Variants in DMRT2 observed in about 807,000 individuals in gnomAD.
DMRT2 encodes doublesex and mab-3 related transcription factor 2.
DMRT2 carries 33 observed loss-of-function variants against 43.5 expected under a neutral mutation model. The ratio of observed to expected loss-of-function variants is 0.76; its 90% CI spans 0.58 to 1.01. The LOEUF (loss-of-function observed/expected upper bound fraction) is 1.01, where lower values mean the gene tolerates loss of function less well. Among genes scored for constraint, DMRT2 ranks in the 50% least tolerant of loss-of-function variants. The pLI, the probability that DMRT2 is intolerant of heterozygous loss-of-function variation, is 0.00. For synonymous variants in DMRT2, 395 were observed against 309.2 expected (o/e 1.28, Z -2.91); for missense variants, 1,064 against 748.0 (o/e 1.42, Z -4.93).
rs1822064722 is a variant in DMRT2, at chr9:1,057,173, A to G, written c.1586A>G (p.Lys529Arg). 1.2e-6 allele frequency: 2 copies of G among 1,614,020 alleles called. No homozygotes were observed. The highest frequency in any genetic ancestry group is 2.7e-5 in the African/African-American group (2 of 74,912). The change falls in exon 4 of 4, where the codon AAA becomes AGA. Residue 529 changes from lysine to arginine, a missense_variant. By Grantham distance (26) the Lys-to-Arg change is conservative. Coordinates refer to ENST00000358146, the MANE Select transcript of DMRT2 (RefSeq NM_181872.6). The part of the protein sequence containing the change: ...DRCAKDLFVA[K>R]QVGTKLSVNE... ...TGTGCAAAAGACCTTTTTGTAGCCA[A>G]ACAAGTTGGAACAAAACTCTCGGTG...
At chr9:1,052,917 T>C (rs1183121902) in intron 2 of DMRT2, 1 of 152,374 alleles carries the variant, frequency 6.6e-6, no homozygotes, top group Non-Finnish European at 1.5e-5. Context: ...ATTTTACTTT[T>C]TGGCGGAGAG....
At position 1,055,919 on chromosome 9, in the gene DMRT2, T is replaced by C. The variant is rs1422761964; in HGVS notation, c.629-297T>C. On this transcript the variant is annotated intron_variant, in intron 3 of 3. Transcript: ENST00000358146. ...AGGGGGCCTGGGAAGAATATTAAAA[T>C]TTTAATCAATAAAGTATGTCTGTTG... 5.7e-6 allele frequency: 8 copies of C among 1,414,278 alleles called. No individual in the cohort carries two copies. The East Asian group carries it at 1.9e-4, about 33-fold the overall frequency. The allele number at this position is 1,414,278 out of a possible 1,614,324, so 87.6% of individuals were successfully genotyped here.
chr9:1,055,988 A>G, intron 3 of DMRT2: 1 of 1,408,360 alleles, frequency 7.1e-7, no homozygotes, highest in Admixed American at 3.3e-5. Flanking sequence ...AACAAGCAAC[A>G]AGAACAAGAA....
chr9:1,054,595 C>T (rs1299765637), intron 3 of DMRT2: 1 of 152,070 alleles, frequency 6.6e-6, no homozygotes, highest in East Asian at 1.9e-4. Context: ...TCGTGAAAGC[C>T]TGGGGGTACA....
intron 2 of DMRT2, among the ~76,000 whole-genome samples, chr9:1,053,273 A>G (rs892220416): frequency 3.3e-5 from 5 of 152,096 alleles, no homozygotes; most frequent in Non-Finnish European, 5.9e-5. Context: ...CTGCCCTGCC[A>G]CAGGGAGAAA....
Position 1,056,689 on chromosome 9 carries a change from C to G in DMRT2, c.1102C>G (p.Gln368Glu), listed in dbSNP as rs1822014624. The G allele has an allele frequency of 1.1e-5, 17 of 1,614,082 alleles. No homozygotes were observed. Among genetic ancestry groups the G allele is most frequent in the Non-Finnish European group, 1.4e-5 (16 of 1,180,050 alleles). ...CCTGCTAAATGCCACCACCTCAGTTCAAGCCCTGAAGCCTGGGGCCAGCTG... is the reference window on the plus strand; with the variant it reads ...CCTGCTAAATGCCACCACCTCAGTTGAAGCCCTGAAGCCTGGGGCCAGCTG... Reference protein sequence around the residue: ...QCLLNATTSVQALKPGASWDL... With the variant: ...QCLLNATTSVEALKPGASWDL... Residue 368 changes from glutamine to glutamate, a missense_variant, in exon 4 of 4, where the codon CAA (glutamine) becomes GAA (glutamate). Physicochemically the swap from Gln to Glu is conservative, Grantham distance 29. Coordinates refer to ENST00000358146, the MANE Select transcript of DMRT2 (RefSeq NM_181872.6).
Position 1,051,202 on chromosome 9 carries a change from G to A in DMRT2, c.-44-368G>A, listed in dbSNP as rs987844078. ...TATGCATCATGGCCATACTAGTTGA[G>A]TATGGGGAAATCCGACAAGTGGCCT... is the stretch of plus-strand genomic sequence containing the variant. On this transcript the variant is annotated intron_variant, in intron 1 of 3. Transcript: ENST00000358146. The surrounding 1 kb of genome is among the most constrained non-coding windows in gnomAD (Gnocchi z 5.9). Among the ~76,000 whole-genome samples the A allele has an allele frequency of 1.3e-5, 2 of 152,158 alleles. No homozygotes were observed. The highest frequency in any genetic ancestry group is 2.4e-5 in the African/African-American group (1 of 41,438).
intron 3 of DMRT2, chr9:1,055,635 T>C (rs1402713078): frequency 2.3e-6 from 3 of 1,291,220 alleles, no homozygotes; most frequent in African/African-American, 3.1e-5. Context: ...TTTTCAATTT[T>C]CTATGCTTCT....
In DMRT2 at chr9:1,056,704, G is replaced by C. The variant is rs746515910; in HGVS notation, c.1117G>C (p.Gly373Arg). ...ATTSVQALKPGASWDLKGARV... is the reference protein window; with the variant it reads ...ATTSVQALKPRASWDLKGARV... ...CACCTCAGTTCAAGCCCTGAAGCCT[G>C]GGGCCAGCTGGGACTTGAAGGGAGC... The change falls in exon 4 of 4, where the codon GGG becomes CGG. Residue 373 changes from glycine to arginine, a missense_variant. By Grantham distance (125) the Gly-to-Arg change is moderately radical. Transcript: ENST00000358146. 2 of 1,614,152 alleles carry C rather than the reference G, an allele frequency of 1.2e-6. No individual in the cohort carries two copies. The highest frequency in any genetic ancestry group is 2.2e-5 in the South Asian group (2 of 91,072).
intron 3 of DMRT2, among the ~76,000 whole-genome samples, chr9:1,055,269 C>T (rs1330025946): frequency 6.6e-6 from 1 of 152,092 alleles, no homozygotes; most frequent in Non-Finnish European, 1.5e-5. Context: ...ACAATGGATG[C>T]TTCAAACAAA....
In DMRT2 at chr9:1,057,532, A is replaced by G; in HGVS notation, c.*259A>G. Reference sequence around the variant, plus strand: ...CATTTCAAAAAGCAATAAAATTGACACTGTCTTCTCAAAGACCCAATATTT... The same window carrying G: ...CATTTCAAAAAGCAATAAAATTGACGCTGTCTTCTCAAAGACCCAATATTT... On this transcript the variant is annotated 3_prime_UTR_variant, in exon 4 of 4. Transcript: ENST00000358146. The G allele has an allele frequency of 2.5e-6, 1 of 396,242 alleles. No individual in the cohort carries two copies. The highest frequency in any genetic ancestry group is 4.5e-6 in the Non-Finnish European group (1 of 223,420). The allele number at this position is 396,242 out of a possible 1,614,324, so 24.5% of individuals were successfully genotyped here.
At chr9:1,055,971 C>A in intron 3 of DMRT2, 1 of 1,401,070 alleles carries the variant, frequency 7.1e-7, no homozygotes, top group Non-Finnish European at 9.2e-7. Context: ...AAATCCATAA[C>A]AACCACAACA....
chr9:1,052,202 G>A (rs1821642440), intron 2 of DMRT2, 64 bp downstream of exon 2: 4 of 1,271,530 alleles, frequency 3.1e-6, no homozygotes, highest in Non-Finnish European at 3.0e-6. Context: ...GGAGGGGAGC[G>A]GGGCGGCCGT....
Position 1,051,534 on chromosome 9 carries a change from GC to G in DMRT2, c.-44-34del. 1 of 1,427,162 alleles carries G rather than the reference GC, an allele frequency of 7.0e-7. No homozygotes were observed. The highest frequency in any genetic ancestry group is 9.1e-7 in the Non-Finnish European group (1 of 1,100,408). The allele number at this position is 1,427,162 out of a possible 1,614,324, so 88.4% of individuals were successfully genotyped here. A position where few individuals can be genotyped will look rare whatever the true frequency, so the allele number is the denominator to read the frequency against. On this transcript the variant is annotated intron_variant, in intron 1 of 3. Transcript: ENST00000358146. This position sits in a 1 kb window ranked among gnomAD's most constrained non-coding sequence, Gnocchi z 5.9. ...GGCTCAGGGATGGTCCCTGACGGCG[GC>G]CGGTGGGTCTTTGGATTTCTTTGTG... is the stretch of plus-strand genomic sequence containing the variant.
chr9:1,056,171 C>T, intron 3 of DMRT2, 45 bp from the exon 4 acceptor site: 1 of 1,548,658 alleles, frequency 6.5e-7, no homozygotes, highest in Non-Finnish European at 8.7e-7. Context: ...CATTTTTATT[C>T]CGTAGATGTT....
chr9:1,057,195 G>C lies in DMRT2; in HGVS notation c.1608G>C (p.Ser536=). The C allele has an allele frequency of 6.2e-7, 1 of 1,613,978 alleles. No homozygotes were observed. The highest frequency in any genetic ancestry group is 8.5e-7 in the Non-Finnish European group (1 of 1,179,986). The change falls in exon 4 of 4, where the codon TCG becomes TCC. Residue 536 remains serine, a synonymous_variant. Transcript: ENST00000358146. ...FVAKQVGTKL[S]VNEPLSFSVE... ...CCAAACAAGTTGGAACAAAACTCTC[G>C]GTGAATGAACCACTGTCATTTTCTG...
At chr9:1,052,226 G>A (rs1018788028) in intron 2 of DMRT2, 88 bp downstream of exon 2, 1 of 1,123,482 alleles carries the variant, frequency 8.9e-7, no homozygotes, top group Non-Finnish European at 1.2e-6. Context: ...CACCCCCCGC[G>A]CCCAGGGCCT....
At position 1,051,529 on chromosome 9, in the gene DMRT2, C is replaced by T. The variant is rs970896106; in HGVS notation, c.-44-41C>T. 1 of 1,424,662 alleles carries T rather than the reference C, an allele frequency of 7.0e-7. No homozygotes were observed. Among genetic ancestry groups the T allele is most frequent in the Non-Finnish European group, 9.1e-7 (1 of 1,099,202 alleles). The allele number at this position is 1,424,662 out of a possible 1,614,324, so 88.3% of individuals were successfully genotyped here. A position where few individuals can be genotyped will look rare whatever the true frequency, so the allele number is the denominator to read the frequency against. On this transcript the variant is annotated intron_variant, in intron 1 of 3. Transcript: ENST00000358146. The surrounding 1 kb of genome is among the most constrained non-coding windows in gnomAD (Gnocchi z 5.9). ...CCGGAGGCTCAGGGATGGTCCCTGA[C>T]GGCGGCCGGTGGGTCTTTGGATTTC...
At position 1,050,678 on chromosome 9, in the gene DMRT2, C is replaced by A. The variant is rs1821504807; in HGVS notation, c.-142C>A. Reference sequence around the variant, plus strand: ...CGATCTCGTGTTTGAGGGTAGCGACCCCGATTTCTGTTTGCATGCACAGCC... The same window carrying A: ...CGATCTCGTGTTTGAGGGTAGCGACACCGATTTCTGTTTGCATGCACAGCC... On this transcript the variant is annotated 5_prime_UTR_variant, in exon 1 of 4. Coordinates refer to ENST00000358146, the MANE Select transcript of DMRT2 (RefSeq NM_181872.6). 6.6e-6 allele frequency: 1 copy of A among 152,470 alleles called. No homozygotes were observed. 9.4% of individuals were successfully genotyped at this position (152,470 alleles called of 1,614,324 possible). A position where few individuals can be genotyped will look rare whatever the true frequency, so the allele number is the denominator to read the frequency against.
Sources: allele counts gnomAD v4.1 joint callset (sites outside exome capture counted in the v4.1 genomes callset), GRCh38; gene constraint gnomAD v4.1.1; non-coding constraint Gnocchi (gnomAD v3.1); transcripts MANE v1.5; gene names NCBI Gene and HGNC (gene_info 2026-07-23, HGNC 2026-07-21).